The following DGKI variants were observed in gnomAD, a reference collection of about 807,000 sequenced individuals.
DGKI encodes DAG kinase iota.
DGKI carries 55 observed loss-of-function variants against 147.5 expected under a neutral mutation model. That is an observed-to-expected ratio of 0.37 (90% CI 0.30 to 0.47). The LOEUF is 0.47. Ranked by LOEUF, DGKI falls within the 20% of genes least tolerant of loss-of-function variation. The pLI is 1.00. For missense variants in DGKI, 1,007 were observed against 1,323.8 expected, an observed-to-expected ratio of 0.76 and a Z score of 3.71; for synonymous variants, 469 against 477.1, an observed-to-expected ratio of 0.98 and a Z score of 0.22.
At chr7:137,444,458 T>TA (rs889815086) in intron 27 of DGKI, among the ~76,000 whole-genome samples, 20 of 152,142 alleles carry the variant, frequency 1.3e-4, no homozygotes, top group Admixed American at 5.9e-4. Context: ...GCCAGGGATA[T>TA]AAAAAAAGCA....
At chr7:137,763,469 C>T (rs1020196228) in intron 1 of DGKI, among the ~76,000 whole-genome samples, 19 of 152,172 alleles carry the variant, frequency 1.2e-4, no homozygotes, top group African/African-American at 4.1e-4. Flanking sequence ...CCAGTGTTTG[C>T]ATTTAGGGAT....
chr7:137,409,078 A>G (rs2078359211), intron 29 of DGKI, among the ~76,000 whole-genome samples: 1 of 152,194 alleles, frequency 6.6e-6, no homozygotes, highest in South Asian at 2.1e-4. Context: ...AATATATTAA[A>G]TAGTTTTAAA....
chr7:137,712,964 C>T (rs1198612045), intron 1 of DGKI, among the ~76,000 whole-genome samples: 1 of 152,148 alleles, frequency 6.6e-6, no homozygotes, highest in Non-Finnish European at 1.5e-5. Context: ...CCAGCTTCAG[C>T]TTGGAATTTC....
intron 1 of DGKI, among the ~76,000 whole-genome samples, chr7:137,707,077 G>C (rs775313483): frequency 5.3e-5 from 8 of 152,136 alleles, no homozygotes; most frequent in Non-Finnish European, 8.8e-5. Context: ...AGTCTCATTT[G>C]ATTTCCGCTG....
intron 27 of DGKI, among the ~76,000 whole-genome samples, chr7:137,463,255 A>C (rs918280643): frequency 1.3e-5 from 2 of 152,226 alleles, no homozygotes; most frequent in Admixed American, 6.5e-5. Context: ...GTCCACGTGC[A>C]AGGGGCTCAA....
At chr7:137,497,839 A>T (rs1462075727) in intron 21 of DGKI, among the ~76,000 whole-genome samples, 1 of 152,114 alleles carries the variant, frequency 6.6e-6, no homozygotes, top group Non-Finnish European at 1.5e-5. Flanking sequence ...GACAATCAAA[A>T]AATTGCCTAT....
At chr7:137,703,568 G>A (rs1343382383) in intron 1 of DGKI, among the ~76,000 whole-genome samples, 1 of 151,942 alleles carries the variant, frequency 6.6e-6, no homozygotes, top group Non-Finnish European at 1.5e-5. Context: ...AAAAAATTGG[G>A]GACACTTACT....
rs1459349884 is a variant in DGKI at position 137,658,951 on chromosome 7, T to C, written c.607-2411A>G. 2.4e-4 allele frequency among the ~76,000 whole-genome samples: 37 copies of C among 152,248 alleles called. 1 individual carries two copies. Among genetic ancestry groups the C allele is most frequent in the Admixed American group, 2.4e-3 (37 of 15,274 alleles). Reference sequence around the variant, plus strand: ...GTGCTGTAAGTTCTAAAACTGATTTTAACTGAACTATATTGATTTTTAAAA... The same window carrying C: ...GTGCTGTAAGTTCTAAAACTGATTTCAACTGAACTATATTGATTTTTAAAA... On this transcript the variant is annotated intron_variant, in intron 3 of 32. Coordinates refer to ENST00000614521, the MANE Select transcript of DGKI (RefSeq NM_001321708.2).
At chr7:137,416,549 C>A (rs998209242) in intron 28 of DGKI, among the ~76,000 whole-genome samples, 4 of 152,182 alleles carry the variant, frequency 2.6e-5, no homozygotes, top group African/African-American at 9.7e-5. Flanking sequence ...AGGAGTGAGT[C>A]TGACACCAAG....
intron 3 of DGKI, among the ~76,000 whole-genome samples, chr7:137,674,798 C>T (rs1198823272): frequency 1.3e-5 from 2 of 152,236 alleles, no homozygotes; most frequent in Middle Eastern, 3.4e-3. Flanking sequence ...AAACTGAGCT[C>T]GAACCCCATT....
At chr7:137,475,609 A>G (rs543975066) in intron 23 of DGKI, among the ~76,000 whole-genome samples, 22 of 152,308 alleles carry the variant, frequency 1.4e-4, no homozygotes, top group Admixed American at 5.2e-4. Flanking sequence ...TTTAATGTGT[A>G]TTTATTAAAG....
intron 17 of DGKI, 115 bp downstream of exon 17, chr7:137,577,107 G>T (rs1202074812): frequency 4.1e-5 from 31 of 749,416 alleles, no homozygotes; most frequent in South Asian, 4.0e-4. Flanking sequence ...TACACAAAAT[G>T]ATCTCCAAAG....
rs575202326 is a variant in DGKI at position 137,663,026 on chromosome 7, G to A, written c.607-6486C>T. 3.3e-5 allele frequency among the ~76,000 whole-genome samples: 5 copies of A among 152,308 alleles called. 1 individual carries two copies. Among genetic ancestry groups the A allele is most frequent in the African/African-American group, 1.2e-4 (5 of 41,552 alleles). The stretch of plus-strand genomic sequence containing the variant: ...CAATACTCCTGAATCTGTAGATGCT[G>A]GGTATCTGGAATCATGATGGTTTGA... On this transcript the variant is annotated intron_variant, in intron 3 of 32. Transcript: ENST00000614521.
At chr7:137,781,131 T>C (rs1214387175) in intron 1 of DGKI, among the ~76,000 whole-genome samples, 1 of 152,154 alleles carries the variant, frequency 6.6e-6, no homozygotes, top group African/African-American at 2.4e-5. Flanking sequence ...AAAGGGTATT[T>C]GAGTGTCTTC....
rs775814446 is a variant in DGKI at position 137,846,134 on chromosome 7, T to TTCTCTCTCTC, written c.401+318_401+327dup. Among the ~76,000 whole-genome samples the TTCTCTCTCTC allele has an allele frequency of 0.061, 5,156 of 84,844 alleles. 286 individuals are homozygous for TTCTCTCTCTC. The highest frequency in any genetic ancestry group is 0.08 in the Non-Finnish European group (3,605 of 44,902). 55.7% of individuals were successfully genotyped at this position (84,844 alleles called of 152,430 possible). On this transcript the variant is annotated intron_variant, in intron 1 of 32. Coordinates refer to ENST00000614521, the MANE Select transcript of DGKI (RefSeq NM_001321708.2). The surrounding 1 kb of genome is among the most constrained non-coding windows in gnomAD (Gnocchi z 4.0). ...TCTGCAACCCTTTCTCTCTCTCTCT[T>TTCTCTCTCTC]TCTCTCTCTCTCTCTCTCTCTCTCT...
At chr7:137,639,765 C>G (rs1041591011) in intron 6 of DGKI, among the ~76,000 whole-genome samples, 2 of 152,142 alleles carry the variant, frequency 1.3e-5, no homozygotes, top group African/African-American at 4.8e-5. Flanking sequence ...GCAGTGACAG[C>G]AGTAAAATGG....
chr7:137,523,593 A>G (rs933673616), intron 20 of DGKI, among the ~76,000 whole-genome samples: 13 of 152,190 alleles, frequency 8.5e-5, no homozygotes, highest in African/African-American at 3.1e-4. Flanking sequence ...ATAAAACTAC[A>G]GAGATGGATA....
chr7:137,634,782 T>C lies in DGKI; in HGVS notation c.804+10690A>G, dbSNP rs148143309. ...TTCATGCATGGATCAACTTGGTATATACGTCCAGGCCAAAAGTAAACTACT... is the reference window on the plus strand; with the variant it reads ...TTCATGCATGGATCAACTTGGTATACACGTCCAGGCCAAAAGTAAACTACT... On this transcript the variant is annotated intron_variant, in intron 6 of 32. Coordinates refer to ENST00000614521, the MANE Select transcript of DGKI (RefSeq NM_001321708.2). Among the ~76,000 whole-genome samples the C allele has an allele frequency of 3.9e-3, 588 of 152,302 alleles. 5 individuals carry two copies. Among genetic ancestry groups the C allele is most frequent in the Non-Finnish European group, 6.0e-3 (407 of 68,018 alleles).
chr7:137,836,026 A>G (rs1331120201), intron 1 of DGKI, among the ~76,000 whole-genome samples: 1 of 152,198 alleles, frequency 6.6e-6, no homozygotes, highest in East Asian at 1.9e-4. Flanking sequence ...TAATTATGTG[A>G]AAGGAGTTTA....
Sources: gnomAD v4.1 joint callset for allele counts (sites outside exome capture counted in the v4.1 genomes callset) on GRCh38, gnomAD v4.1.1 for gene constraint, Gnocchi (gnomAD v3.1) non-coding constraint, MANE v1.5 for transcripts, NCBI Gene and HGNC (gene_info 2026-07-23, HGNC 2026-07-21) for gene names.